The following ADAMTS17 variants were observed in gnomAD, a reference collection of about 807,000 sequenced individuals.
The protein encoded by ADAMTS17 is ADAM metallopeptidase with thrombospondin type 1 motif 17.
A neutral mutation model predicts 141.5 loss-of-function variants in ADAMTS17; 113 were observed. The ratio of observed to expected loss-of-function variants is 0.80; its 90% CI spans 0.69 to 0.93. The LOEUF is 0.93. Ranked by LOEUF, ADAMTS17 falls within the 40% of genes least tolerant of loss-of-function variation. The pLI is 0.00. For missense variants in ADAMTS17, 1,659 were observed against 1,517.9 expected (o/e 1.09, Z -1.54); for synonymous variants, 768 against 630.6 (o/e 1.22, Z -3.27).
intron 3 of ADAMTS17, among the ~76,000 whole-genome samples, chr15:100,296,308 CCTT>C (rs996112934): frequency 8.0e-4 from 122 of 152,096 alleles, no homozygotes; most frequent in African/African-American, 2.1e-3. Flanking sequence ...AGAAAAATCA[CCTT>C]CTTAACTGGA....
intron 3 of ADAMTS17, among the ~76,000 whole-genome samples, chr15:100,289,548 T>TCACACACA (rs35262820): frequency 1.4e-5 from 2 of 146,450 alleles, no homozygotes; most frequent in Admixed American, 1.4e-4. Flanking sequence ...ATACACACAC[T>TCACACACA]CACACACACA....
chr15:99,974,592 G>A (rs968692171), intron 21 of ADAMTS17, 30 bp from the exon 22 acceptor site: 3 of 1,613,968 alleles, frequency 1.9e-6, no homozygotes, highest in Middle Eastern at 1.6e-4. Context: ...AATACCCAGG[G>A]TCAGGGATGG....
chr15:100,157,118 C>A (rs778400337), intron 8 of ADAMTS17, among the ~76,000 whole-genome samples: 4 of 152,190 alleles, frequency 2.6e-5, no homozygotes, highest in Non-Finnish European at 4.4e-5. Context: ...CCCATCAGAT[C>A]TTGTGAGAAC....
At chr15:100,186,340 C>A (rs575834808) in intron 8 of ADAMTS17, among the ~76,000 whole-genome samples, 1 of 152,276 alleles carries the variant, frequency 6.6e-6, no homozygotes, top group African/African-American at 2.4e-5. Flanking sequence ...AGTGGAGTGT[C>A]CTGGGCCTCA....
intron 15 of ADAMTS17, among the ~76,000 whole-genome samples, chr15:100,068,863 C>T (rs147386333): frequency 0.014 from 2,092 of 152,302 alleles, 49 homozygotes; most frequent in African/African-American, 0.046. Context: ...TCCAAAGGAA[C>T]GCAGCTCCTC....
chr15:100,325,086 T>G (rs1253234413), intron 3 of ADAMTS17, among the ~76,000 whole-genome samples: 3 of 152,196 alleles, frequency 2.0e-5, no homozygotes, highest in African/African-American at 7.2e-5. Flanking sequence ...TTTAGACATT[T>G]ATGACGGTTC....
intron 7 of ADAMTS17, among the ~76,000 whole-genome samples, chr15:100,229,695 C>T (rs1234853289): frequency 9.2e-5 from 14 of 152,212 alleles, no homozygotes; most frequent in Non-Finnish European, 1.8e-4. Flanking sequence ...GATGCTGACA[C>T]GCCTCCTCCC....
At chr15:99,984,228 C>T (rs780623581) in intron 20 of ADAMTS17, among the ~76,000 whole-genome samples, 12 of 152,284 alleles carry the variant, frequency 7.9e-5, no homozygotes, top group South Asian at 6.2e-4. Context: ...GGGGCCGGGT[C>T]GCCTCCAGAG....
intron 3 of ADAMTS17, among the ~76,000 whole-genome samples, chr15:100,313,248 A>G (rs1228176734): frequency 1.3e-5 from 2 of 152,228 alleles, no homozygotes; most frequent in Non-Finnish European, 2.9e-5. Flanking sequence ...AATATCACAT[A>G]TGAATATGGA....
intron 4 of ADAMTS17, among the ~76,000 whole-genome samples, chr15:100,266,345 C>A (rs2043715882): frequency 6.6e-6 from 1 of 152,200 alleles, no homozygotes; most frequent in Non-Finnish European, 1.5e-5. Flanking sequence ...AACTGCAGGG[C>A]CAGAGTGCTG....
intron 18 of ADAMTS17, among the ~76,000 whole-genome samples, chr15:100,042,415 G>A (rs771179990): frequency 3.3e-5 from 5 of 152,164 alleles, no homozygotes; most frequent in Non-Finnish European, 7.4e-5. Flanking sequence ...ACTGAACCCT[G>A]TATATACTAT....
At chr15:100,170,872 A>G (rs12438292) in intron 8 of ADAMTS17, among the ~76,000 whole-genome samples, 5,635 of 152,266 alleles carry the variant, frequency 0.037, 178 homozygotes, top group East Asian at 0.17. Flanking sequence ...ACCTCAGCCA[A>G]TAGCAGGAGA....
intron 13 of ADAMTS17, among the ~76,000 whole-genome samples, chr15:100,111,685 G>GT (rs1381640332): frequency 6.6e-6 from 1 of 152,254 alleles, no homozygotes. Context: ...AGTACTGGGA[G>GT]TAATTGAGCT....
chr15:100,160,712 A>T (rs1247504450), intron 8 of ADAMTS17, among the ~76,000 whole-genome samples: 1 of 152,200 alleles, frequency 6.6e-6, no homozygotes, highest in African/African-American at 2.4e-5. Flanking sequence ...TCCCCAAGGA[A>T]TGTTCCAGTC....
intron 7 of ADAMTS17, among the ~76,000 whole-genome samples, chr15:100,251,018 C>T (rs903966454): frequency 6.6e-6 from 1 of 152,110 alleles, no homozygotes; most frequent in African/African-American, 2.4e-5. Flanking sequence ...ATCATTTGTA[C>T]AAGCAAAATA....
chr15:100,093,399 C>T (rs529476839), intron 15 of ADAMTS17, among the ~76,000 whole-genome samples: 2 of 152,090 alleles, frequency 1.3e-5, no homozygotes, highest in Non-Finnish European at 2.9e-5. Context: ...CTTTGATATT[C>T]ACCGTTAAGG....
chr15:100,173,831 A>G (rs918180966), intron 8 of ADAMTS17, among the ~76,000 whole-genome samples: 2 of 152,166 alleles, frequency 1.3e-5, no homozygotes, highest in Non-Finnish European at 2.9e-5. Context: ...CAAGTAAACC[A>G]GGCTCTTTGG....
At chr15:100,338,293 C>G (rs151003553) in intron 2 of ADAMTS17, among the ~76,000 whole-genome samples, 2 of 152,292 alleles carry the variant, frequency 1.3e-5, no homozygotes, top group East Asian at 3.9e-4. Flanking sequence ...AATAATTCGT[C>G]TCCTTTAAAC....
chr15:100,055,556 G>C (rs186170041), intron 15 of ADAMTS17, among the ~76,000 whole-genome samples: 64 of 152,268 alleles, frequency 4.2e-4, no homozygotes, highest in African/African-American at 1.5e-3. Flanking sequence ...TTCCAGTGGG[G>C]TCTCGTATCC....
Sources: allele counts gnomAD v4.1 joint callset (sites outside exome capture counted in the v4.1 genomes callset), GRCh38; gene constraint gnomAD v4.1.1; transcripts MANE v1.5; gene names NCBI Gene and HGNC (gene_info 2026-07-23, HGNC 2026-07-21).